OR52K1: variants seen among roughly 807,000 people sequenced by gnomAD.
The protein encoded by OR52K1 is olfactory receptor 52K1.
In OR52K1, 10 loss-of-function variants were observed where a neutral mutation model predicts 8.7. The observed-to-expected ratio is 1.15, with a 90% CI of 0.71 to 1.95. OR52K1 has a LOEUF of 1.95. OR52K1 is among the 30% of genes most tolerant of loss of function. The pLI, the probability that OR52K1 is intolerant of heterozygous loss-of-function variation, is 0.00. For synonymous variants in OR52K1, 203 were observed against 148.5 expected (o/e 1.37, Z -2.67); for missense variants, 431 against 397.2 (o/e 1.08, Z -0.72).
At chr11:4,487,162 T>C (rs1438225527) in intron 1 of OR52K1, among the ~76,000 whole-genome samples, 1 of 152,236 alleles carries the variant, frequency 6.6e-6, no homozygotes, top group East Asian at 1.9e-4. Context: ...TTGTAGACCT[T>C]TCTACATGTT....
chr11:4,485,538 C>G (rs1846314678), intron 1 of OR52K1, among the ~76,000 whole-genome samples: 1 of 152,134 alleles, frequency 6.6e-6, no homozygotes. Context: ...CCTGTTGTCT[C>G]ACTTCCTATA....
Position 4,492,157 on chromosome 11 carries a change from CTT to C in OR52K1, c.*2314_*2315del, listed in dbSNP as rs1483334649. 1 of 151,964 alleles carries C rather than the reference CTT, an allele frequency of 6.6e-6. No individual in the cohort carries two copies. The highest frequency in any genetic ancestry group is 1.5e-5 in the Non-Finnish European group (1 of 68,010). 9.4% of individuals were successfully genotyped at this position (151,964 alleles called of 1,614,324 possible). A position where few individuals can be genotyped will look rare whatever the true frequency, so the allele number is the denominator to read the frequency against. On this transcript the variant is annotated 3_prime_UTR_variant, in exon 2 of 2. Coordinates refer to ENST00000641528, the MANE Select transcript of OR52K1 (RefSeq NM_001005171.3). ...ATTAAAGTGTGCATTAACTTTCCTG[CTT>C]TCTTTCCCCTCTGCTGCAAAACCCA...
chr11:4,489,145 A>G lies in OR52K1; in HGVS notation c.245A>G (p.Lys82Arg), dbSNP rs139078347. The G allele has an allele frequency of 1.6e-5, 26 of 1,614,090 alleles. No homozygotes were observed. In the African/African-American group the frequency reaches 3.1e-4, roughly 19 times the overall value. Residue 82 changes from lysine (K) to arginine (R), a missense_variant, in exon 2 of 2, where the codon AAA becomes AGA. By Grantham distance (26) the Lys-to-Arg change is conservative. Transcript: ENST00000641528. Reference sequence around the variant, plus strand: ...GTTCTTTCTTCTACAACGCTGCCCAAAATGCTTGCCATATTCTGGTTCAGG... The same window carrying G: ...GTTCTTTCTTCTACAACGCTGCCCAGAATGCTTGCCATATTCTGGTTCAGG... ...DLVLSSTTLP[K>R]MLAIFWFRDQ...
At position 4,489,297 on chromosome 11, in the gene OR52K1, C is replaced by T. The variant is rs372553031; in HGVS notation, c.397C>T (p.His133Tyr). 3.1e-6 allele frequency: 5 copies of T among 1,614,106 alleles called. No individual in the cohort carries two copies. Among genetic ancestry groups the T allele is most frequent in the South Asian group, 1.1e-5 (1 of 91,088 alleles). ...CTATGTGGCCATCTGCAAGCCATTG[C>T]ACTACACGACGGTCCTGACTGGGTC... is the stretch of plus-strand genomic sequence containing the variant. ...DRYVAICKPLHYTTVLTGSLI... is the reference protein window; with the variant it reads ...DRYVAICKPLYYTTVLTGSLI... Residue 133 changes from histidine (H) to tyrosine (Y), a missense_variant, in exon 2 of 2, where the codon CAC (histidine) becomes TAC (tyrosine). His to Tyr is a moderately conservative substitution (Grantham distance 83). Transcript: ENST00000641528.
At position 4,492,461 on chromosome 11, in the gene OR52K1, T is replaced by G. The variant is rs1207203258; in HGVS notation, c.*2616T>G. ...GTTCATATAACATGAACAAGGATGA[T>G]TTTGTTGTTTTTGTAGTGAACCACT... On this transcript the variant is annotated 3_prime_UTR_variant, in exon 2 of 2. Coordinates refer to ENST00000641528, the MANE Select transcript of OR52K1 (RefSeq NM_001005171.3). 6.6e-6 allele frequency: 1 copy of G among 152,140 alleles called. No individual in the cohort carries two copies. The highest frequency in any genetic ancestry group is 2.4e-5 in the African/African-American group (1 of 41,436). 9.4% of individuals were successfully genotyped at this position (152,140 alleles called of 1,614,324 possible).
rs202235407 is a variant in OR52K1, at chr11:4,489,188, C to T, written c.288C>T (p.Phe96=). The part of the protein sequence containing the change: ...IFWFRDQEIN[F]FACLVQMFFL... ...GGTTCAGGGATCAGGAGATCAACTT[C>T]TTTGCCTGTCTGGTCCAGATGTTCT... The change falls in exon 2 of 2, where the codon TTC becomes TTT. Residue 96 remains phenylalanine, a synonymous_variant. Coordinates refer to ENST00000641528, the MANE Select transcript of OR52K1 (RefSeq NM_001005171.3). 1 of 1,614,222 alleles carries T rather than the reference C, an allele frequency of 6.2e-7. No homozygotes were observed. The highest frequency in any genetic ancestry group is 8.5e-7 in the Non-Finnish European group (1 of 1,180,036).
At chr11:4,486,490 A>G (rs757173369) in intron 1 of OR52K1, among the ~76,000 whole-genome samples, 1 of 152,224 alleles carries the variant, frequency 6.6e-6, no homozygotes, top group Non-Finnish European at 1.5e-5. Context: ...CATTTAAGGA[A>G]GTGAAGCCAA....
rs374489193 is a variant in OR52K1 at position 4,488,990 on chromosome 11, C to T, written c.90C>T (p.Ser30=). Residue 30 remains serine, a synonymous_variant, in exon 2 of 2, where the codon TCC becomes TCT. Coordinates refer to ENST00000641528, the MANE Select transcript of OR52K1 (RefSeq NM_001005171.3). The stretch of plus-strand genomic sequence containing the variant: ...TGGAACACCTGCATGCCTGGATCTC[C>T]ATCCCCTTCTGCTTTGCTTATACTC... ...PGLEHLHAWI[S]IPFCFAYTLA... is the part of the protein sequence containing the mutation. 189 of 1,614,006 alleles carry T rather than the reference C, an allele frequency of 1.2e-4. 2 individuals carry two copies. The highest frequency in any genetic ancestry group is 2.6e-5 in the Non-Finnish European group (31 of 1,179,996).
rs1171401182 is a variant in OR52K1, at chr11:4,490,161, CA to C, written c.*319del. 3.4e-5 allele frequency: 9 copies of C among 264,730 alleles called. No homozygotes were observed. Among genetic ancestry groups the C allele is most frequent in the Non-Finnish European group, 5.7e-5 (8 of 139,884 alleles). The allele number at this position is 264,730 out of a possible 1,614,324, so 16.4% of individuals were successfully genotyped here. Reference sequence around the variant, plus strand: ...GGACCTTTATTGGCTGAGATTGGCCCAAACAGCTGAGTCACCCAAACAGGTG... The same window carrying C: ...GGACCTTTATTGGCTGAGATTGGCCCAACAGCTGAGTCACCCAAACAGGTG... On this transcript the variant is annotated 3_prime_UTR_variant, in exon 2 of 2. Coordinates refer to ENST00000641528, the MANE Select transcript of OR52K1 (RefSeq NM_001005171.3).
In OR52K1 at chr11:4,489,932, G is replaced by A. The variant is rs966180730; in HGVS notation, c.*87G>A. On this transcript the variant is annotated 3_prime_UTR_variant, in exon 2 of 2. Transcript: ENST00000641528. ...GGGGAAAAATCTAAATAGGAAAATT[G>A]CAGAGTATCTTTGACAATTCTCTAG... is the stretch of plus-strand genomic sequence containing the variant. 10 of 925,630 alleles carry A rather than the reference G, an allele frequency of 1.1e-5. No individual in the cohort carries two copies. The highest frequency in any genetic ancestry group is 1.6e-5 in the Non-Finnish European group (10 of 606,452). 57.3% of individuals were successfully genotyped at this position (925,630 alleles called of 1,614,324 possible).
chr11:4,488,733 G>A lies in OR52K1; in HGVS notation c.-168G>A, dbSNP rs2133107089. 1.7e-6 allele frequency: 1 copy of A among 599,440 alleles called. No individual in the cohort carries two copies. Among genetic ancestry groups the A allele is most frequent in the South Asian group, 2.1e-5 (1 of 47,144 alleles). 37.1% of individuals were successfully genotyped at this position (599,440 alleles called of 1,614,324 possible). The stretch of plus-strand genomic sequence containing the variant: ...GAAAATATGGATTATACTTCTCCAT[G>A]TCTATGAAGGCTGCTAGGTTATTTT... On this transcript the variant is annotated 5_prime_UTR_variant, in exon 2 of 2. It removes an upstream start codon present in the reference 5' UTR. Coordinates refer to ENST00000641528, the MANE Select transcript of OR52K1 (RefSeq NM_001005171.3).
In OR52K1 at chr11:4,493,324, G is replaced by A. The variant is rs1202395742; in HGVS notation, c.*3479G>A. On this transcript the variant is annotated 3_prime_UTR_variant, in exon 2 of 2. Transcript: ENST00000641528. ...CAGGGAAAGGGAGACTCCCTTTCTG[G>A]GTCTGTTAGTAACGGGTGTCTTCCC... is the stretch of plus-strand genomic sequence containing the variant. The A allele has an allele frequency of 1.3e-5, 2 of 152,136 alleles. No individual in the cohort carries two copies. The highest frequency in any genetic ancestry group is 1.9e-4 in the East Asian group (1 of 5,154). The allele number at this position is 152,136 out of a possible 1,614,324, so 9.4% of individuals were successfully genotyped here.
At position 4,488,719 on chromosome 11, in the gene OR52K1, T is replaced by C. The variant is rs1846340063; in HGVS notation, c.-182T>C. 2 of 584,378 alleles carry C rather than the reference T, an allele frequency of 3.4e-6. No individual in the cohort carries two copies. Among genetic ancestry groups the C allele is most frequent in the South Asian group, 2.2e-5 (1 of 45,802 alleles). 36.2% of individuals were successfully genotyped at this position (584,378 alleles called of 1,614,324 possible). A position where few individuals can be genotyped will look rare whatever the true frequency, so the allele number is the denominator to read the frequency against. ...TTTCTTTGAGGGTAGAAAATATGGA[T>C]TATACTTCTCCATGTCTATGAAGGC... On this transcript the variant is annotated 5_prime_UTR_variant, in exon 2 of 2. Coordinates refer to ENST00000641528, the MANE Select transcript of OR52K1 (RefSeq NM_001005171.3).
chr11:4,486,763 C>A (rs370789428), intron 1 of OR52K1, among the ~76,000 whole-genome samples: 38 of 152,240 alleles, frequency 2.5e-4, no homozygotes, highest in East Asian at 2.3e-3. Flanking sequence ...TTTTCCTTAA[C>A]CTCTTCAGTA....
chr11:4,489,078 C>T lies in OR52K1; in HGVS notation c.178C>T (p.Pro60Ser), dbSNP rs1846345601. The T allele has an allele frequency of 6.2e-7, 1 of 1,614,176 alleles. No individual in the cohort carries two copies. Among genetic ancestry groups the T allele is most frequent in the Non-Finnish European group, 8.5e-7 (1 of 1,180,018 alleles). ...CCAGGCTGATGCAGCCCTCCATGAA[C>T]CCATGTACCTCTTTCTGGCCATGTT... ...IIQADAALHE[P>S]MYLFLAMLAT... is the part of the protein sequence containing the mutation. Residue 60 changes from proline (P) to serine (S), a missense_variant, in exon 2 of 2, where the codon CCC becomes TCC. Physicochemically the swap from Pro to Ser is moderately conservative, Grantham distance 74 (BLOSUM62 -1). Transcript: ENST00000641528.
At chr11:4,484,451 G>A (rs1846304252) in intron 1 of OR52K1, among the ~76,000 whole-genome samples, 1 of 152,102 alleles carries the variant, frequency 6.6e-6, no homozygotes, top group African/African-American at 2.4e-5. Context: ...AATCCAGGAT[G>A]ACTTGATTCT....
intron 1 of OR52K1, among the ~76,000 whole-genome samples, chr11:4,485,889 T>C (rs1263191770): frequency 1.3e-5 from 2 of 152,224 alleles, no homozygotes; most frequent in African/African-American, 4.8e-5. Flanking sequence ...CTGATTCTCC[T>C]GCTCATTTGC....
At chr11:4,484,250 G>A (rs1453856793) in intron 1 of OR52K1, among the ~76,000 whole-genome samples, 1 of 152,204 alleles carries the variant, frequency 6.6e-6, no homozygotes, top group Non-Finnish European at 1.5e-5. Flanking sequence ...GGAGAACAAA[G>A]TGGAACTTTG....
chr11:4,488,812 A>G lies in OR52K1; in HGVS notation c.-89A>G. 1.1e-6 allele frequency: 1 copy of G among 899,250 alleles called. No homozygotes were observed. The highest frequency in any genetic ancestry group is 1.8e-6 in the Non-Finnish European group (1 of 569,342). The allele number at this position is 899,250 out of a possible 1,614,324, so 55.7% of individuals were successfully genotyped here. A position where few individuals can be genotyped will look rare whatever the true frequency, so the allele number is the denominator to read the frequency against. On this transcript the variant is annotated 5_prime_UTR_variant, in exon 2 of 2. Transcript: ENST00000641528. ...GTAATCTTTGCAGGTGGGATAGCACAGGTTGAACTCTAATCATATATACTG... is the reference window on the plus strand; with the variant it reads ...GTAATCTTTGCAGGTGGGATAGCACGGGTTGAACTCTAATCATATATACTG...
Sources: gnomAD v4.1 joint callset for allele counts (sites outside exome capture counted in the v4.1 genomes callset) on GRCh38, gnomAD v4.1.1 for gene constraint, MANE v1.5 for transcripts, NCBI Gene and HGNC (gene_info 2026-07-23, HGNC 2026-07-21) for gene names.